MYO15A: variants seen among roughly 807,000 people sequenced by gnomAD.
MYO15A encodes unconventional myosin-XV.
Under a neutral mutation model 394.6 loss-of-function variants are expected in MYO15A, and 308 were observed. The ratio of observed to expected loss-of-function variants is 0.78; its 90% confidence interval spans 0.71 to 0.86. MYO15A has a LOEUF of 0.86. Among genes scored for constraint, MYO15A ranks in the 40% least tolerant of loss-of-function variants. The pLI, the probability that MYO15A is intolerant of heterozygous loss-of-function variation, is 0.00. For missense variants in MYO15A, 4,606 were observed against 4,799.1 expected (o/e 0.96, Z 1.19); for synonymous variants, 1,957 against 2,003.8 (o/e 0.98, Z 0.62).
At chr17:18,111,049 T>C (rs1477675529) in intron 1 of MYO15A, among the ~76,000 whole-genome samples, 1 of 152,234 alleles carries the variant, frequency 6.6e-6, no homozygotes, top group African/African-American at 2.4e-5. Flanking sequence ...GCTTAAAGTC[T>C]GCATCCAGGA....
At position 18,138,115 on chromosome 17, in the gene MYO15A, G is replaced by T; in HGVS notation, c.4876G>T (p.Glu1626Ter). The T allele has an allele frequency of 6.2e-7, 1 of 1,610,824 alleles. No homozygotes were observed. The highest frequency in any genetic ancestry group is 8.5e-7 in the Non-Finnish European group (1 of 1,179,996). The change falls in exon 17 of 66, where the codon GAG becomes TAG. Residue 1626 changes from glutamate to a stop codon, truncating the protein, a stop_gained and splice_region_variant. Coordinates refer to ENST00000647165, the MANE Select transcript of MYO15A (RefSeq NM_016239.4). LOFTEE classifies it high-confidence loss of function. The part of the protein sequence containing the change: ...FNKIVFQEEQ[E>*]EYIREQIDWQ... ...AGCTCCTGCTGCCCACTGCCTGCAG[G>T]AGGAGTACATCCGTGAGCAGATAGA...
Position 18,120,486 on chromosome 17 carries a change from C to G in MYO15A, c.1686C>G (p.Gly562=), listed in dbSNP as rs1283407708. 1 of 1,571,602 alleles carries G rather than the reference C, an allele frequency of 6.4e-7. No homozygotes were observed. Among genetic ancestry groups the G allele is most frequent in the Non-Finnish European group, 8.6e-7 (1 of 1,162,528 alleles). Residue 562 remains glycine (G), a synonymous_variant, in exon 2 of 66, where the codon GGC becomes GGG. Transcript: ENST00000647165. ...GCCTGGGCTTCGGCCCTGAGTTTGGCCGCCCCGTGCCTCGCCCTGCCACCT... is the reference window on the plus strand; with the variant it reads ...GCCTGGGCTTCGGCCCTGAGTTTGGGCGCCCCGTGCCTCGCCCTGCCACCT... ...HRGLGFGPEF[G]RPVPRPATSL...
intron 51 of MYO15A, chr17:18,158,195 TC>T: frequency 1.7e-6 from 1 of 585,380 alleles, no homozygotes; most frequent in Non-Finnish European, 3.0e-6. Flanking sequence ...GTTGGTGAAG[TC>T]TACTGGGTTT....
intron 63 of MYO15A, 102 bp downstream of exon 63, chr17:18,171,873 T>C (rs2046946863): frequency 1.3e-6 from 2 of 1,491,522 alleles, no homozygotes; most frequent in Non-Finnish European, 1.8e-6. Context: ...CACAAAGGCA[T>C]TTTTCAGTGC....
chr17:18,124,039 A>G (rs569480388), intron 2 of MYO15A: 12 of 232,218 alleles, frequency 5.2e-5, no homozygotes, highest in Admixed American at 5.1e-4. Context: ...TTTCCCCAGG[A>G]TGAGCATGGG....
chr17:18,136,354 TG>T, intron 13 of MYO15A, 62 bp from the exon 14 acceptor site: 1 of 1,599,342 alleles, frequency 6.3e-7, no homozygotes, highest in Non-Finnish European at 8.6e-7. Context: ...CTTAGTCCCC[TG>T]GGGGCTTTCC....
intron 62 of MYO15A, among the ~76,000 whole-genome samples, chr17:18,170,535 T>G (rs1034701519): frequency 6.6e-6 from 1 of 151,710 alleles, no homozygotes; most frequent in African/African-American, 2.4e-5. Flanking sequence ...ATTTTTAAAT[T>G]TTTGTAGAGA....
At position 18,178,899 on chromosome 17, in the gene MYO15A, G is replaced by T; in HGVS notation, c.*29G>T. 1 of 1,601,066 alleles carries T rather than the reference G, an allele frequency of 6.2e-7. No homozygotes were observed. The highest frequency in any genetic ancestry group is 2.2e-5 in the East Asian group (1 of 44,792). The stretch of plus-strand genomic sequence containing the variant: ...AGCCCCCAGCCCTCCAGTACCTTCT[G>T]CCAGAAGACTCACTGTGTGGCCTCA... On this transcript the variant is annotated 3_prime_UTR_variant, in exon 66 of 66. Transcript: ENST00000647165.
At chr17:18,162,497 C>A in intron 57 of MYO15A, 88 bp from the exon 58 acceptor site, 2 of 1,142,612 alleles carry the variant, frequency 1.8e-6, no homozygotes, top group South Asian at 2.6e-5. Flanking sequence ...GGAGAGAATG[C>A]AGTGGGCTCA....
rs2047052873 is a variant in MYO15A at position 18,178,902 on chromosome 17, A to G, written c.*32A>G. Reference sequence around the variant, plus strand: ...CCCCAGCCCTCCAGTACCTTCTGCCAGAAGACTCACTGTGTGGCCTCAGAG... The same window carrying G: ...CCCCAGCCCTCCAGTACCTTCTGCCGGAAGACTCACTGTGTGGCCTCAGAG... On this transcript the variant is annotated 3_prime_UTR_variant, in exon 66 of 66. Transcript: ENST00000647165. The G allele has an allele frequency of 2.5e-6, 4 of 1,599,200 alleles. No homozygotes were observed. The Admixed American group carries it at 5.0e-5, about 20-fold the overall frequency.
chr17:18,156,479 T>C, intron 48 of MYO15A, 143 bp downstream of exon 48: 1 of 1,001,626 alleles, frequency 1.0e-6, no homozygotes, highest in Non-Finnish European at 1.5e-6. Flanking sequence ...CCACTTGGAA[T>C]ACCCTTTCTC....
At chr17:18,124,362 A>C in intron 2 of MYO15A, 121 bp from the exon 3 acceptor site, 1 of 976,206 alleles carries the variant, frequency 1.0e-6, no homozygotes, top group Non-Finnish European at 1.6e-6. Flanking sequence ...TGCAGGACCC[A>C]CCTGGCCTTG....
intron 18 of MYO15A, 54 bp from the exon 19 acceptor site, chr17:18,139,480 G>T: frequency 6.4e-7 from 1 of 1,570,886 alleles, no homozygotes; most frequent in Non-Finnish European, 8.7e-7. Context: ...TCCCTCCTAG[G>T]ATAGACAGAG....
chr17:18,150,645 C>T lies in MYO15A; in HGVS notation c.7328-53C>T. On this transcript the variant is annotated intron_variant, in intron 36 of 65. Transcript: ENST00000647165. This position sits in a 1 kb window ranked among gnomAD's most constrained non-coding sequence, Gnocchi z 4.4. ...CACAGCATGATGGGGGCTGAGAGGA[C>T]AGGGAGGAGGGCATCTCCGGTGCCA... 3 of 1,600,626 alleles carry T rather than the reference C, an allele frequency of 1.9e-6. No individual in the cohort carries two copies. The highest frequency in any genetic ancestry group is 2.6e-6 in the Non-Finnish European group (3 of 1,172,442).
In MYO15A at chr17:18,157,583, G is replaced by A. The variant is rs967011638; in HGVS notation, c.8789-139G>A. On this transcript the variant is annotated intron_variant, in intron 50 of 65. Transcript: ENST00000647165. The stretch of plus-strand genomic sequence containing the variant: ...TTTCCCTGAGCCTGTTTCCTCATCT[G>A]TAAAATGGGTTTGATGGCCTGGCCT... The A allele has an allele frequency of 1.8e-5, 26 of 1,469,286 alleles. 1 individual carries two copies. The Middle Eastern group carries it at 7.1e-4, about 40-fold the overall frequency. The allele number at this position is 1,469,286 out of a possible 1,614,324, so 91.0% of individuals were successfully genotyped here. A position where few individuals can be genotyped will look rare whatever the true frequency, so the allele number is the denominator to read the frequency against.
In MYO15A at chr17:18,136,624, G is replaced by A. The variant is rs760537217; in HGVS notation, c.4717G>A (p.Ala1573Thr). 50 of 1,613,584 alleles carry A rather than the reference G, an allele frequency of 3.1e-5. No homozygotes were observed. The Admixed American group carries it at 3.3e-4, about 11-fold the overall frequency. ...LFSWLITRVN[A>T]LVSPRQDTLS... ...CAGCTGGCTCATCACCAGGGTCAACGCGCTGGTGTCCCCAAGGCAGGACAC... is the reference window on the plus strand; with the variant it reads ...CAGCTGGCTCATCACCAGGGTCAACACGCTGGTGTCCCCAAGGCAGGACAC... Residue 1573 changes from alanine (A) to threonine (T), a missense_variant, in exon 15 of 66, where the codon GCG becomes ACG. By Grantham distance (58) the Ala-to-Thr change is moderately conservative. Around this residue, in one of 2 missense-constraint regions of MYO15A, gnomAD observed 2,776 missense variants for 3,109.3 expected, o/e 0.89. Coordinates refer to ENST00000647165, the MANE Select transcript of MYO15A (RefSeq NM_016239.4).
At chr17:18,138,703 C>A in intron 17 of MYO15A, 108 bp from the exon 18 acceptor site, 1 of 1,461,414 alleles carries the variant, frequency 6.8e-7, no homozygotes, top group Non-Finnish European at 9.3e-7. Context: ...TGAGTTGTTC[C>A]TCTCTGGTGC....
In MYO15A at chr17:18,149,327, C is replaced by A; in HGVS notation, c.7068C>A (p.Asp2356Glu). ...ATGGGTACAGCAGCCACAATCAGGA[C>A]GGTACAAATGGGGAGACTGAGGCCC... ...DSDGYSSHNQ[D>E]GTNGETEAQR... The change falls in exon 34 of 66, where the codon GAC (aspartate) becomes GAA (glutamate). Residue 2356 changes from aspartate (D) to glutamate (E), a missense_variant. Asp to Glu is a conservative substitution (Grantham distance 45). Around this residue, in one of 2 missense-constraint regions of MYO15A, gnomAD observed 2,776 missense variants for 3,109.3 expected, o/e 0.89. Transcript: ENST00000647165. 1 of 1,611,894 alleles carries A rather than the reference C, an allele frequency of 6.2e-7. No homozygotes were observed. The highest frequency in any genetic ancestry group is 8.5e-7 in the Non-Finnish European group (1 of 1,178,792).
chr17:18,169,205 G>T (rs2046904546), intron 62 of MYO15A, among the ~76,000 whole-genome samples: 1 of 150,950 alleles, frequency 6.6e-6, no homozygotes. Context: ...CCAGCACTTT[G>T]GGAGGTCGAG....
Sources: allele counts gnomAD v4.1 joint callset (sites outside exome capture counted in the v4.1 genomes callset), GRCh38; gene constraint gnomAD v4.1.1; regional missense constraint gnomAD v4.1.1; non-coding constraint Gnocchi (gnomAD v3.1); transcripts MANE v1.5; gene names NCBI Gene and HGNC (gene_info 2026-07-23, HGNC 2026-07-21).